The following ZRANB3 variants were observed in gnomAD, a reference collection of about 807,000 sequenced individuals.
ZRANB3 encodes the protein zinc finger RANBP2-type containing 3, also known as DNA annealing helicase and endonuclease ZRANB3.
In ZRANB3, 125 loss-of-function variants were observed where a neutral mutation model predicts 133.8. That is an observed-to-expected ratio of 0.93 (90% CI 0.81 to 1.08). The LOEUF is 1.08. Among genes scored for constraint, ZRANB3 ranks in the 50% least tolerant of loss-of-function variants. ZRANB3 has a pLI of 0.00. For synonymous variants in ZRANB3, 387 were observed against 432.7 expected, an observed-to-expected ratio of 0.89 and a Z score of 1.31; for missense variants, 1,229 against 1,275.5, an observed-to-expected ratio of 0.96 and a Z score of 0.56.
At chr2:135,402,531 T>C (rs1687782321) in intron 2 of ZRANB3, among the ~76,000 whole-genome samples, 1 of 151,826 alleles carries the variant, frequency 6.6e-6, no homozygotes, top group Admixed American at 6.6e-5. Flanking sequence ...CCTGACCTCA[T>C]GATCCACCCA....
intron 2 of ZRANB3, among the ~76,000 whole-genome samples, chr2:135,468,300 G>T (rs994996138): frequency 1.3e-5 from 2 of 152,098 alleles, no homozygotes; most frequent in East Asian, 1.9e-4. Flanking sequence ...TACCTGAAAT[G>T]ACCTCATAAA....
At chr2:135,248,650 A>C (rs939718214) in intron 12 of ZRANB3, among the ~76,000 whole-genome samples, 5 of 152,238 alleles carry the variant, frequency 3.3e-5, no homozygotes, top group Non-Finnish European at 7.3e-5. Flanking sequence ...TCATGGCTAT[A>C]ATCTCAGCAC....
At chr2:135,229,900 T>C (rs1694920849) in intron 13 of ZRANB3, among the ~76,000 whole-genome samples, 1 of 152,178 alleles carries the variant, frequency 6.6e-6, no homozygotes, top group Admixed American at 6.5e-5. Flanking sequence ...TATCCCATGC[T>C]ATAAAAACAT....
chr2:135,490,773 G>A lies in ZRANB3; in HGVS notation c.161+13556C>T, dbSNP rs549272402. ...GTAGATAAATGGAAAAAGAAAATGT[G>A]ATATATATATACACAATGAATATTA... On this transcript the variant is annotated intron_variant, in intron 2 of 20. Transcript: ENST00000264159. Among the ~76,000 whole-genome samples, 5 of 152,020 alleles carry A rather than the reference G, an allele frequency of 3.3e-5. No homozygotes were observed. The South Asian group carries it at 1.0e-3, about 32-fold the overall frequency.
chr2:135,447,735 A>G (rs1690084882), intron 2 of ZRANB3, among the ~76,000 whole-genome samples: 2 of 152,152 alleles, frequency 1.3e-5, no homozygotes, highest in Admixed American at 1.3e-4. Flanking sequence ...CTCTTTTTCT[A>G]TTTCAGCTGT....
At chr2:135,518,291 G>T (rs1693783458) in intron 1 of ZRANB3, among the ~76,000 whole-genome samples, 1 of 152,060 alleles carries the variant, frequency 6.6e-6, no homozygotes, top group African/African-American at 2.4e-5. Flanking sequence ...GGTGTTCCAG[G>T]AGCCACTGTG....
chr2:135,213,901 A>G (rs1446853514), intron 17 of ZRANB3, among the ~76,000 whole-genome samples: 1 of 152,202 alleles, frequency 6.6e-6, no homozygotes, highest in Non-Finnish European at 1.5e-5. Context: ...AGACGAAGGC[A>G]GAGAGATTCC....
At chr2:135,411,973 A>T (rs1330954947) in intron 2 of ZRANB3, among the ~76,000 whole-genome samples, 2 of 152,190 alleles carry the variant, frequency 1.3e-5, no homozygotes, top group African/African-American at 4.8e-5. Flanking sequence ...ATACCATAAC[A>T]TCAGTAACAT....
At chr2:135,502,373 G>T (rs1199662134) in intron 2 of ZRANB3, among the ~76,000 whole-genome samples, 2 of 152,092 alleles carry the variant, frequency 1.3e-5, no homozygotes, top group Non-Finnish European at 2.9e-5. Flanking sequence ...ATTTTGTTAG[G>T]ACTGGTTAAC....
intron 6 of ZRANB3, among the ~76,000 whole-genome samples, chr2:135,324,327 C>T (rs1488961016): frequency 6.7e-6 from 1 of 150,066 alleles, no homozygotes. Flanking sequence ...TGAGAATATG[C>T]GATGTTTGGT....
intron 2 of ZRANB3, among the ~76,000 whole-genome samples, chr2:135,392,960 C>G (rs1687310640): frequency 6.6e-6 from 1 of 151,802 alleles, no homozygotes. Context: ...CTCACTGCAG[C>G]CTTGACCTCT....
intron 19 of ZRANB3, among the ~76,000 whole-genome samples, chr2:135,203,481 C>T (rs530181057): frequency 1.1e-4 from 17 of 151,668 alleles, no homozygotes; most frequent in Non-Finnish European, 1.8e-4. Flanking sequence ...TAGCCAGGCA[C>T]GGTGGCAGGT....
intron 2 of ZRANB3, among the ~76,000 whole-genome samples, chr2:135,417,176 C>A (rs1351885995): frequency 6.6e-6 from 1 of 152,098 alleles, no homozygotes; most frequent in African/African-American, 2.4e-5. Context: ...AACAGGCAAC[C>A]TACAGAATGG....
At chr2:135,528,890 A>G (rs1206172326) in intron 1 of ZRANB3, among the ~76,000 whole-genome samples, 2 of 152,240 alleles carry the variant, frequency 1.3e-5, no homozygotes, top group Non-Finnish European at 1.5e-5. Flanking sequence ...AAAACAATGC[A>G]AAGAGGAAAA....
At chr2:135,500,970 G>C (rs565422273) in intron 2 of ZRANB3, among the ~76,000 whole-genome samples, 1 of 151,878 alleles carries the variant, frequency 6.6e-6, no homozygotes, top group Non-Finnish European at 1.5e-5. Context: ...AAAACAAATG[G>C]GGGAGAAGCA....
intron 8 of ZRANB3, among the ~76,000 whole-genome samples, chr2:135,306,302 T>G (rs1047484155): frequency 6.7e-6 from 1 of 149,892 alleles, no homozygotes; most frequent in Admixed American, 6.6e-5. Flanking sequence ...TTTTTTTTTT[T>G]TCTGAGGTGG....
chr2:135,518,668 C>A (rs59537359), intron 1 of ZRANB3, among the ~76,000 whole-genome samples: 1 of 152,092 alleles, frequency 6.6e-6, no homozygotes, highest in Non-Finnish European at 1.5e-5. Context: ...GAGTTGATCT[C>A]GCTGGGAGCT....
chr2:135,327,809 G>A (rs1025287513), intron 6 of ZRANB3, among the ~76,000 whole-genome samples: 1 of 151,908 alleles, frequency 6.6e-6, no homozygotes, highest in African/African-American at 2.4e-5. Context: ...TAAAACACAT[G>A]GCATAGTATC....
intron 2 of ZRANB3, among the ~76,000 whole-genome samples, chr2:135,434,602 A>AT (rs1689452853): frequency 1.3e-5 from 2 of 152,168 alleles, no homozygotes; most frequent in Admixed American, 1.3e-4. Context: ...GTTACTCTTT[A>AT]TTTTGTCATT....
Sources: allele counts gnomAD v4.1 joint callset (sites outside exome capture counted in the v4.1 genomes callset), GRCh38; gene constraint gnomAD v4.1.1; transcripts MANE v1.5; gene names NCBI Gene and HGNC (gene_info 2026-07-23, HGNC 2026-07-21).